DNAH5: variants seen among roughly 807,000 people sequenced by gnomAD.
DNAH5 encodes dynein axonemal heavy chain 5, also known as axonemal beta dynein heavy chain 5.
In DNAH5, 372 loss-of-function variants were observed where a neutral mutation model predicts 518.2. That is an observed-to-expected ratio of 0.72 (90% CI 0.66 to 0.78). The LOEUF is 0.78. Among genes scored for constraint, DNAH5 ranks in the 30% least tolerant of loss-of-function variants. DNAH5 has a pLI of 0.00. For synonymous variants in DNAH5, 2,039 were observed against 2,025.9 expected (o/e 1.01, Z -0.17); for missense variants, 5,523 against 5,687.0 (o/e 0.97, Z 0.93).
intron 28 of DNAH5, among the ~76,000 whole-genome samples, chr5:13,863,944 T>C (rs1768845591): frequency 6.6e-6 from 1 of 152,176 alleles, no homozygotes; most frequent in African/African-American, 2.4e-5. Flanking sequence ...GCTCCATGCA[T>C]AATGCACCAT....
intron 1 of DNAH5, chr5:13,931,932 CT>C (rs1311779135): frequency 2.6e-5 from 4 of 153,088 alleles, no homozygotes; most frequent in Non-Finnish European, 4.4e-5. Flanking sequence ...CTATTCCATC[CT>C]GTGTAATAGC....
At position 13,708,221 on chromosome 5, in the gene DNAH5, G is replaced by C. The variant is rs1347606858; in HGVS notation, c.13240C>G (p.Leu4414Val). ...ATGGTGCCATCAATAGCAAGTTTCA[G>C]CTCAGTGAGGGTGCTGCGGACAAGG... ...LSLVRSTLTE[L>V]KLAIDGTIIM... The change falls in exon 76 of 79, where the codon CTG becomes GTG. Residue 4414 changes from leucine (L) to valine (V), a missense_variant. By Grantham distance (32) the Leu-to-Val change is conservative (BLOSUM62 1). Around this residue, in one of 3 missense-constraint regions of DNAH5, gnomAD observed 387 missense variants for 430.0 expected, o/e 0.90. Transcript: ENST00000265104. 6.2e-7 allele frequency: 1 copy of C among 1,614,194 alleles called. No homozygotes were observed. Among genetic ancestry groups the C allele is most frequent in the Admixed American group, 1.7e-5 (1 of 60,030 alleles).
At chr5:13,996,504 T>A (rs992921723) in intron 1 of DNAH5, among the ~76,000 whole-genome samples, 1 of 152,224 alleles carries the variant, frequency 6.6e-6, no homozygotes, top group African/African-American at 2.4e-5. Context: ...ATCAAGGAAG[T>A]TATGTGCTTC....
intron 65 of DNAH5, among the ~76,000 whole-genome samples, chr5:13,740,377 C>T (rs148550046): frequency 1.6e-4 from 24 of 152,216 alleles, no homozygotes; most frequent in South Asian, 4.1e-4. Flanking sequence ...CCAATCTTTC[C>T]ACTCAGAGTG....
chr5:13,897,644 C>G (rs1278098931), intron 15 of DNAH5: 1 of 152,220 alleles, frequency 6.6e-6, no homozygotes, highest in Admixed American at 6.5e-5. Context: ...TTCTGCAACA[C>G]TTCAGATGGT....
chr5:13,930,232 C>T (rs1266388386), intron 2 of DNAH5, among the ~76,000 whole-genome samples: 2 of 152,260 alleles, frequency 1.3e-5, no homozygotes, highest in East Asian at 3.9e-4. Context: ...CTCGTACTGG[C>T]CCAGGATATC....
chr5:13,782,590 G>A (rs563720507), intron 52 of DNAH5, among the ~76,000 whole-genome samples: 1 of 152,146 alleles, frequency 6.6e-6, no homozygotes, highest in Admixed American at 6.5e-5. Context: ...AGCCACACTA[G>A]AACATTCTGT....
chr5:13,736,010 T>A, intron 66 of DNAH5, 78 bp from the exon 67 acceptor site: 3 of 1,205,226 alleles, frequency 2.5e-6, no homozygotes. Context: ...CAGCCTAAAC[T>A]CTAAATGAAA....
intron 35 of DNAH5, among the ~76,000 whole-genome samples, chr5:13,833,396 G>A (rs368569487): frequency 8.2e-5 from 12 of 146,068 alleles, no homozygotes; most frequent in Admixed American, 2.1e-4. Context: ...CCGAGATCAC[G>A]CCACTGCACT....
At chr5:13,875,786 T>C (rs1037604434) in intron 22 of DNAH5, among the ~76,000 whole-genome samples, 7 of 152,106 alleles carry the variant, frequency 4.6e-5, no homozygotes, top group Admixed American at 1.3e-4. Flanking sequence ...ACCTTCAATA[T>C]ATTAAGAAAG....
At position 13,788,720 on chromosome 5, in the gene DNAH5, A is replaced by G. The variant is rs1756474070; in HGVS notation, c.8643T>C (p.Ala2881=). 4 of 1,613,702 alleles carry G rather than the reference A, an allele frequency of 2.5e-6. No individual in the cohort carries two copies. The highest frequency in any genetic ancestry group is 1.3e-5 in the African/African-American group (1 of 75,060). ...FVDFLRDAPE[A]AGETSEEADA... is the part of the protein sequence containing the mutation. ...AATTCCACTTCAATAGTTTACCTGCAGCTTCAGGTGCATCTCTCAAGAAAT... is the reference window on the plus strand; with the variant it reads ...AATTCCACTTCAATAGTTTACCTGCGGCTTCAGGTGCATCTCTCAAGAAAT... The change falls in exon 51 of 79, where the codon GCT becomes GCC. Residue 2881 remains alanine, a synonymous_variant. Transcript: ENST00000265104.
intron 47 of DNAH5, among the ~76,000 whole-genome samples, chr5:13,804,211 G>A (rs1193640061): frequency 2.0e-5 from 3 of 152,148 alleles, no homozygotes; most frequent in African/African-American, 7.2e-5. Context: ...TTTGATAGTG[G>A]CAAAGGATGC....
At chr5:13,848,133 A>C (rs899364293) in intron 31 of DNAH5, among the ~76,000 whole-genome samples, 3 of 152,222 alleles carry the variant, frequency 2.0e-5, no homozygotes, top group Admixed American at 1.3e-4. Context: ...CAATCATTAG[A>C]CAACAATCTT....
At chr5:13,996,202 G>T (rs1335062200) in intron 1 of DNAH5, among the ~76,000 whole-genome samples, 2 of 152,098 alleles carry the variant, frequency 1.3e-5, no homozygotes, top group Admixed American at 6.6e-5. Flanking sequence ...CCTCCACAGG[G>T]TAGTTTCGCT....
intron 24 of DNAH5, among the ~76,000 whole-genome samples, chr5:13,869,143 C>A (rs551183751): frequency 6.6e-6 from 1 of 152,144 alleles, no homozygotes; most frequent in Non-Finnish European, 1.5e-5. Context: ...TCCCCCTGGC[C>A]CAACACAGCA....
At chr5:13,744,597 T>C (rs2062724) in intron 65 of DNAH5, among the ~76,000 whole-genome samples, 1 of 151,788 alleles carries the variant, frequency 6.6e-6, no homozygotes, top group Non-Finnish European at 1.5e-5. Flanking sequence ...ATGTACCCCA[T>C]AAACATGTAC....
intron 78 of DNAH5, among the ~76,000 whole-genome samples, chr5:13,692,953 TA>T (rs1470812752): frequency 1.3e-5 from 2 of 152,116 alleles, no homozygotes; most frequent in East Asian, 3.9e-4. Context: ...AATTTATAAA[TA>T]AAAAAGTAGG....
intron 35 of DNAH5, among the ~76,000 whole-genome samples, chr5:13,831,377 CA>C (rs1362519878): frequency 1.3e-5 from 2 of 152,192 alleles, no homozygotes; most frequent in African/African-American, 4.8e-5. Context: ...AGAATGCCTG[CA>C]AAGGAAAATT....
chr5:13,960,707 C>T (rs1055903169), intron 1 of DNAH5, among the ~76,000 whole-genome samples: 2 of 152,208 alleles, frequency 1.3e-5, no homozygotes, highest in African/African-American at 4.8e-5. Flanking sequence ...AGGCACAGCC[C>T]GGCTCCATGC....
Sources: allele counts gnomAD v4.1 joint callset (sites outside exome capture counted in the v4.1 genomes callset), GRCh38; gene constraint gnomAD v4.1.1; regional missense constraint gnomAD v4.1.1; transcripts MANE v1.5; gene names NCBI Gene and HGNC (gene_info 2026-07-23, HGNC 2026-07-21).